NOS1AP: variants seen among roughly 807,000 people sequenced by gnomAD.
NOS1AP encodes the protein nitric oxide synthase 1 adaptor protein.
NOS1AP carries 21 observed loss-of-function variants against 56.2 expected under a neutral mutation model. That is an observed-to-expected ratio of 0.37 (90% confidence interval 0.26 to 0.54). The LOEUF (loss-of-function observed/expected upper bound fraction) is 0.54. NOS1AP is among the 20% of genes least tolerant of loss of function. The probability of loss-of-function intolerance (pLI) is 0.84; values close to 1 mark genes in which losing one functional copy is unlikely to be tolerated. For synonymous variants in NOS1AP, 270 were observed against 274.6 expected, an observed-to-expected ratio of 0.98 and a Z score of 0.17; for missense variants, 522 against 657.8, an observed-to-expected ratio of 0.79 and a Z score of 2.26.
At chr1:162,216,821 T>C (rs566937486) in intron 2 of NOS1AP, among the ~76,000 whole-genome samples, 1 of 152,354 alleles carries the variant, frequency 6.6e-6, no homozygotes, top group Non-Finnish European at 1.5e-5. Flanking sequence ...TTGGTCAACT[T>C]TCTAAACTTC....
At chr1:162,179,000 G>C (rs1437347770) in intron 2 of NOS1AP, among the ~76,000 whole-genome samples, 2 of 152,010 alleles carry the variant, frequency 1.3e-5, no homozygotes, top group Non-Finnish European at 2.9e-5. Flanking sequence ...GGGGTTGAGG[G>C]GGGTGGTGCT....
Position 162,365,560 on chromosome 1 carries a change from C to G in NOS1AP, c.1096C>G (p.Gln366Glu), listed in dbSNP as rs1275792961. 2 of 1,611,612 alleles carry G rather than the reference C, an allele frequency of 1.2e-6. No homozygotes were observed. Among genetic ancestry groups the G allele is most frequent in the Non-Finnish European group, 1.7e-6 (2 of 1,180,034 alleles). Residue 366 changes from glutamine to glutamate, a missense_variant, in exon 9 of 10, where the codon CAG becomes GAG. Around this residue, in one of 4 missense-constraint regions of NOS1AP, gnomAD observed 52 missense variants for 94.5 expected, o/e 0.55. Coordinates refer to ENST00000361897, the MANE Select transcript of NOS1AP (RefSeq NM_014697.3). ...AGAGCTGGAACTGAAGCTGTCAGGACAGAACGCCAGTAAGCCAGTGCCCTG... is the reference window on the plus strand; with the variant it reads ...AGAGCTGGAACTGAAGCTGTCAGGAGAGAACGCCAGTAAGCCAGTGCCCTG... ...VQELELKLSG[Q>E]NAMGSQDSLL...
chr1:162,206,346 G>A (rs943593808), intron 2 of NOS1AP, among the ~76,000 whole-genome samples: 19 of 152,148 alleles, frequency 1.2e-4, no homozygotes, highest in African/African-American at 4.3e-4. Context: ...TGAGAGGATG[G>A]GAAGACCCTA....
chr1:162,226,068 C>T (rs757142884), intron 2 of NOS1AP, among the ~76,000 whole-genome samples: 5 of 151,636 alleles, frequency 3.3e-5, no homozygotes, highest in African/African-American at 9.7e-5. Context: ...CTGAGGTGGG[C>T]GAATCACCTG....
intron 1 of NOS1AP, among the ~76,000 whole-genome samples, chr1:162,078,395 C>T (rs774363585): frequency 3.9e-5 from 6 of 152,152 alleles, no homozygotes; most frequent in Non-Finnish European, 8.8e-5. Context: ...GATTTAACAG[C>T]CAACTCAAAT....
At chr1:162,086,569 C>T (rs1241566633) in intron 1 of NOS1AP, among the ~76,000 whole-genome samples, 5 of 152,092 alleles carry the variant, frequency 3.3e-5, no homozygotes, top group Admixed American at 2.6e-4. Flanking sequence ...ATGAATGAAT[C>T]AATGCATGAA....
chr1:162,244,155 G>A (rs1186834339), intron 2 of NOS1AP, among the ~76,000 whole-genome samples: 3 of 152,180 alleles, frequency 2.0e-5, no homozygotes, highest in Admixed American at 2.0e-4. Context: ...GTAGGCATGG[G>A]ATGGAGGAGA....
chr1:162,238,209 G>A (rs938948978), intron 2 of NOS1AP, among the ~76,000 whole-genome samples: 10 of 152,244 alleles, frequency 6.6e-5, no homozygotes, highest in Middle Eastern at 6.8e-3. Flanking sequence ...GGGGGAGAAG[G>A]AGGGAGAATG....
In NOS1AP at chr1:162,367,311, C is replaced by T. The variant is rs1658126965; in HGVS notation, c.1365C>T (p.Ile455=). ...GEALLGGLEL[I]KFRESGIASE... is the part of the protein sequence containing the mutation. ...CGCTCCTGGGCGGTCTGGAGCTCAT[C>T]AAGTTCCGAGAGTCAGGCATCGCCT... Residue 455 remains isoleucine, a synonymous_variant, in exon 10 of 10, where the codon ATC becomes ATT. Coordinates refer to ENST00000361897, the MANE Select transcript of NOS1AP (RefSeq NM_014697.3). The surrounding 1 kb of genome is among the most constrained non-coding windows in gnomAD (Gnocchi z 6.5). The T allele has an allele frequency of 6.2e-7, 1 of 1,613,388 alleles. No homozygotes were observed. The highest frequency in any genetic ancestry group is 8.5e-7 in the Non-Finnish European group (1 of 1,179,936).
intron 2 of NOS1AP, among the ~76,000 whole-genome samples, chr1:162,282,148 T>C (rs1453303228): frequency 6.6e-6 from 1 of 152,206 alleles, no homozygotes; most frequent in Non-Finnish European, 1.5e-5. Flanking sequence ...TACGGTTCTG[T>C]GGCATTAAAT....
At chr1:162,251,507 G>T (rs576808606) in intron 2 of NOS1AP, among the ~76,000 whole-genome samples, 63 of 151,982 alleles carry the variant, frequency 4.1e-4, no homozygotes, top group Non-Finnish European at 6.8e-4. Flanking sequence ...GGGTTTTTAA[G>T]AAAATAAAAG....
rs1216487094 is a variant in NOS1AP at position 162,369,520 on chromosome 1, A to G, written c.*2053A>G. ...AGCCAGAGGCCAGTGGATTAGGTGT[A>G]TGGAATGTGGATGGAGAGGGCTTGT... On this transcript the variant is annotated 3_prime_UTR_variant, in exon 10 of 10. Transcript: ENST00000361897. The G allele has an allele frequency of 6.6e-6, 1 of 152,406 alleles. No individual in the cohort carries two copies. Among genetic ancestry groups the G allele is most frequent in the Non-Finnish European group, 1.5e-5 (1 of 68,118 alleles). The allele number at this position is 152,406 out of a possible 1,614,324, so 9.4% of individuals were successfully genotyped here.
chr1:162,140,029 A>G (rs946924713), intron 1 of NOS1AP, among the ~76,000 whole-genome samples: 2 of 152,100 alleles, frequency 1.3e-5, no homozygotes, highest in East Asian at 1.9e-4. Flanking sequence ...AGGTTTTGCC[A>G]TCTTGGCCAG....
At chr1:162,324,550 G>C (rs1295538718) in intron 4 of NOS1AP, among the ~76,000 whole-genome samples, 2 of 151,496 alleles carry the variant, frequency 1.3e-5, no homozygotes, top group Non-Finnish European at 2.9e-5. Flanking sequence ...AAGCAGGGGA[G>C]GTTTTAGTGG....
At chr1:162,237,548 A>G (rs1191078134) in intron 2 of NOS1AP, among the ~76,000 whole-genome samples, 2 of 152,210 alleles carry the variant, frequency 1.3e-5, no homozygotes, top group Admixed American at 6.5e-5. Context: ...GATACTGGTC[A>G]ATCTGGACTT....
chr1:162,236,492 G>A (rs953700172), intron 2 of NOS1AP, among the ~76,000 whole-genome samples: 4 of 152,110 alleles, frequency 2.6e-5, no homozygotes, highest in Non-Finnish European at 4.4e-5. Flanking sequence ...AGTAACTAGC[G>A]GACATGTCTT....
intron 2 of NOS1AP, among the ~76,000 whole-genome samples, chr1:162,189,867 C>T (rs931017569): frequency 6.6e-6 from 1 of 152,154 alleles, no homozygotes; most frequent in African/African-American, 2.4e-5. Flanking sequence ...ATGAGCCAGG[C>T]TTGCCAAGAT....
intron 2 of NOS1AP, among the ~76,000 whole-genome samples, chr1:162,213,682 C>T (rs550198485): frequency 2.0e-5 from 3 of 152,330 alleles, no homozygotes; most frequent in Admixed American, 6.5e-5. Flanking sequence ...CCAGCCTGGG[C>T]AGGTGCTGTG....
At chr1:162,352,522 G>A (rs1657549285) in intron 6 of NOS1AP, among the ~76,000 whole-genome samples, 1 of 151,798 alleles carries the variant, frequency 6.6e-6, no homozygotes, top group Admixed American at 6.6e-5. Context: ...AATCTACACA[G>A]CCTGCCATAA....
Sources: allele counts gnomAD v4.1 joint callset (sites outside exome capture counted in the v4.1 genomes callset), GRCh38; gene constraint gnomAD v4.1.1; regional missense constraint gnomAD v4.1.1; non-coding constraint Gnocchi (gnomAD v3.1); transcripts MANE v1.5; gene names NCBI Gene and HGNC (gene_info 2026-07-23, HGNC 2026-07-21).